PPARGC1A: variants seen among roughly 807,000 people sequenced by gnomAD.
The protein encoded by PPARGC1A is peroxisome proliferator-activated receptor gamma coactivator 1-alpha.
Under a neutral mutation model 88.7 loss-of-function variants are expected in PPARGC1A, and 25 were observed. The observed-to-expected ratio is 0.28, with a 90% confidence interval of 0.21 to 0.39. The LOEUF is 0.39. Among genes scored for constraint, PPARGC1A ranks in the 10% least tolerant of loss-of-function variants. The pLI is 1.00. For synonymous variants in PPARGC1A, 363 were observed against 355.6 expected, an observed-to-expected ratio of 1.02 and a Z score of -0.24; for missense variants, 880 against 968.7, an observed-to-expected ratio of 0.91 and a Z score of 1.22.
the PPARGC1A span, among the ~76,000 whole-genome samples, chr4:24,207,902 T>G: frequency 6.6e-6 from 1 of 152,194 alleles, no homozygotes; most frequent in African/African-American, 2.4e-5. Flanking sequence ...ATGGAACAAT[T>G]AGACAATTCT....
the PPARGC1A span, among the ~76,000 whole-genome samples, chr4:24,383,297 G>A: frequency 2.9e-3 from 437 of 152,202 alleles, 2 homozygotes; most frequent in African/African-American, 9.6e-3. Context: ...TGACAATTCC[G>A]GAAACCAAAA....
intron 12 of PPARGC1A, among the ~76,000 whole-genome samples, chr4:23,797,284 A>C (rs1295244041): frequency 6.6e-6 from 1 of 152,144 alleles, no homozygotes; most frequent in Non-Finnish European, 1.5e-5. Flanking sequence ...TTCATAGGCT[A>C]ATGAATGGTT....
chr4:24,032,402 G>A, the PPARGC1A span, among the ~76,000 whole-genome samples: 1 of 152,260 alleles, frequency 6.6e-6, no homozygotes, highest in East Asian at 1.9e-4. Context: ...ACTCTGTCAT[G>A]GTGTTCATAG....
At chr4:24,083,250 G>A in the PPARGC1A span, among the ~76,000 whole-genome samples, 1 of 152,108 alleles carries the variant, frequency 6.6e-6, no homozygotes, top group African/African-American at 2.4e-5. Context: ...ACCATCAAAT[G>A]CTTTGGCTGT....
the PPARGC1A span, among the ~76,000 whole-genome samples, chr4:24,347,759 G>A: frequency 6.6e-6 from 1 of 152,144 alleles, no homozygotes; most frequent in Non-Finnish European, 1.5e-5. Context: ...TATATTCAAT[G>A]TTAGTATTGA....
chr4:24,194,290 A>AT, the PPARGC1A span, among the ~76,000 whole-genome samples: 68 of 152,240 alleles, frequency 4.5e-4, no homozygotes, highest in African/African-American at 1.4e-3. Context: ...GACTCAACTC[A>AT]TTTTTTTGGT....
At chr4:24,361,455 C>T in the PPARGC1A span, among the ~76,000 whole-genome samples, 1 of 152,104 alleles carries the variant, frequency 6.6e-6, no homozygotes, top group Non-Finnish European at 1.5e-5. Context: ...ATGAACATTC[C>T]CCTAAGGGAG....
the PPARGC1A span, among the ~76,000 whole-genome samples, chr4:23,923,717 C>A: frequency 6.6e-6 from 1 of 152,186 alleles, no homozygotes; most frequent in Non-Finnish European, 1.5e-5. Context: ...AAAATTTTAA[C>A]TTGACCTCCT....
chr4:24,407,797 T>C, the PPARGC1A span, among the ~76,000 whole-genome samples: 1 of 152,198 alleles, frequency 6.6e-6, no homozygotes, highest in Non-Finnish European at 1.5e-5. Context: ...GAAAAATAAA[T>C]CCATTAATTC....
At chr4:24,140,666 A>G in the PPARGC1A span, among the ~76,000 whole-genome samples, 2 of 152,178 alleles carry the variant, frequency 1.3e-5, no homozygotes, top group Admixed American at 6.5e-5. Context: ...GAGACAAAGA[A>G]AGGTGAATCT....
the PPARGC1A span, among the ~76,000 whole-genome samples, chr4:24,148,355 T>C: frequency 6.6e-6 from 1 of 152,192 alleles, no homozygotes; most frequent in Non-Finnish European, 1.5e-5. Flanking sequence ...CCTGCTCTAA[T>C]CCTGCCTGTT....
the PPARGC1A span, among the ~76,000 whole-genome samples, chr4:24,327,566 C>T: frequency 4.6e-5 from 7 of 152,144 alleles, no homozygotes; most frequent in African/African-American, 1.7e-4. Flanking sequence ...CATACAAAAC[C>T]GTATCCAGGC....
chr4:23,832,804 G>A (rs576790480), intron 2 of PPARGC1A, among the ~76,000 whole-genome samples: 10 of 151,778 alleles, frequency 6.6e-5, no homozygotes, highest in Non-Finnish European at 1.2e-4. Context: ...TGAAGATGGG[G>A]TTTCACCATG....
At chr4:24,406,550 A>C in the PPARGC1A span, among the ~76,000 whole-genome samples, 1 of 152,234 alleles carries the variant, frequency 6.6e-6, no homozygotes, top group Non-Finnish European at 1.5e-5. Context: ...CAATGCTAGA[A>C]ATGCCAAGAA....
chr4:24,436,771 C>G, the PPARGC1A span, among the ~76,000 whole-genome samples: 1 of 142,012 alleles, frequency 7.0e-6, no homozygotes, highest in Non-Finnish European at 1.5e-5. Context: ...ATTGGCCACC[C>G]CAGAGCCCGG....
the PPARGC1A span, among the ~76,000 whole-genome samples, chr4:24,242,590 C>G: frequency 3.3e-5 from 5 of 152,146 alleles, no homozygotes; most frequent in African/African-American, 1.2e-4. Flanking sequence ...CCTAGGTTGT[C>G]TTCTCCCTCT....
the PPARGC1A span, among the ~76,000 whole-genome samples, chr4:24,141,879 A>AGAACAACTACCAG: frequency 6.6e-6 from 1 of 152,212 alleles, no homozygotes. Flanking sequence ...ATAGGTTCTA[A>AGAACAACTACCAG]GAACAACTAC....
the PPARGC1A span, among the ~76,000 whole-genome samples, chr4:24,132,885 A>G: frequency 6.6e-6 from 1 of 152,188 alleles, no homozygotes; most frequent in African/African-American, 2.4e-5. Flanking sequence ...GCTAATACAC[A>G]TGCATACATT....
chr4:24,317,718 T>A, the PPARGC1A span, among the ~76,000 whole-genome samples: 4 of 151,834 alleles, frequency 2.6e-5, no homozygotes, highest in Non-Finnish European at 5.9e-5. Flanking sequence ...TGGCTGCTGT[T>A]CTCCACAGCC....
Sources: allele counts gnomAD v4.1 joint callset (sites outside exome capture counted in the v4.1 genomes callset), GRCh38; gene constraint gnomAD v4.1.1; transcripts MANE v1.5; gene names NCBI Gene and HGNC (gene_info 2026-07-23, HGNC 2026-07-21).